The following PCDH18 variants were observed in gnomAD, a reference collection of about 807,000 sequenced individuals.
PCDH18 encodes protocadherin-18.
PCDH18 carries 38 observed loss-of-function variants against 71.5 expected under a neutral mutation model. The ratio of observed to expected loss-of-function variants is 0.53; its 90% CI spans 0.41 to 0.70. PCDH18 has a LOEUF of 0.70. PCDH18 is among the 30% of genes least tolerant of loss of function. The pLI is 0.00. For missense variants in PCDH18, 1,334 were observed against 1,384.6 expected, an observed-to-expected ratio of 0.96 and a Z score of 0.58; for synonymous variants, 565 against 505.4, an observed-to-expected ratio of 1.12 and a Z score of -1.58.
rs775345861 is a variant in PCDH18 at position 137,531,304 on chromosome 4, C to A, written c.785G>T (p.Gly262Val). 2 of 1,614,090 alleles carry A rather than the reference C, an allele frequency of 1.2e-6. No homozygotes were observed. The highest frequency in any genetic ancestry group is 2.2e-5 in the South Asian group (2 of 91,074). ...IIQLLENSPV[G>V]TLLLDLNATD... Reference sequence around the variant, plus strand: ...GGCATTCAGATCTAAGAGCAAAGTGCCAACCGGGGAGTTTTCTAAGAGTTG... The same window carrying A: ...GGCATTCAGATCTAAGAGCAAAGTGACAACCGGGGAGTTTTCTAAGAGTTG... Residue 262 changes from glycine (G) to valine (V), a missense_variant, in exon 1 of 4, where the codon GGC (glycine) becomes GTC (valine). Physicochemically the swap from Gly to Val is moderately radical, Grantham distance 109 (BLOSUM62 -3). This residue lies in a region of PCDH18 where 1,011 missense variants were observed against 1,048.0 expected (regional missense o/e 0.96). Coordinates refer to ENST00000344876, the MANE Select transcript of PCDH18 (RefSeq NM_019035.5).
chr4:137,530,172 A>T lies in PCDH18; in HGVS notation c.1917T>A (p.His639Gln). Residue 639 changes from histidine to glutamine, a missense_variant, in exon 1 of 4, where the codon CAT becomes CAA. Coordinates refer to ENST00000344876, the MANE Select transcript of PCDH18 (RefSeq NM_019035.5). The part of the protein sequence containing the change: ...FIIDPRSCDI[H>Q]TNVSMDSVPY... ...GAACAGAATCCATGCTAACGTTGGTATGGATGTCACATGATCGTGGATCAA... is the reference window on the plus strand; with the variant it reads ...GAACAGAATCCATGCTAACGTTGGTTTGGATGTCACATGATCGTGGATCAA... 1.2e-6 allele frequency: 2 copies of T among 1,613,506 alleles called. No individual in the cohort carries two copies. The highest frequency in any genetic ancestry group is 1.7e-6 in the Non-Finnish European group (2 of 1,179,696).
In PCDH18 at chr4:137,528,776, C is replaced by G; in HGVS notation, c.2532G>C (p.Gln844His). Residue 844 changes from glutamine (Q) to histidine (H), a missense_variant, in exon 2 of 4, where the codon CAG becomes CAC. This residue lies in a region of PCDH18 where 1,011 missense variants were observed against 1,048.0 expected (regional missense o/e 0.96). Transcript: ENST00000344876. ...LLSMLHQGQY[Q>H]PRPSFRGNKY... ...TGTTTCCTCGAAAACTTGGTCTTGGCTGATATTGCCCCTGGTGAAGCATTG... is the reference window on the plus strand; with the variant it reads ...TGTTTCCTCGAAAACTTGGTCTTGGGTGATATTGCCCCTGGTGAAGCATTG... 1.2e-6 allele frequency: 2 copies of G among 1,613,636 alleles called. No individual in the cohort carries two copies. Among genetic ancestry groups the G allele is most frequent in the Non-Finnish European group, 1.7e-6 (2 of 1,179,830 alleles).
chr4:137,521,910 C>CT (rs1376626396), intron 3 of PCDH18, among the ~76,000 whole-genome samples: 6 of 151,892 alleles, frequency 4.0e-5, no homozygotes, highest in Non-Finnish European at 5.9e-5. Flanking sequence ...TTCTGGTGTG[C>CT]TTTTTTTTCC....
rs760737539 is a variant in PCDH18, at chr4:137,521,411, C to G, written c.3026G>C (p.Ser1009Thr). Residue 1009 changes from serine (S) to threonine (T), a missense_variant, in exon 4 of 4, where the codon AGC (serine) becomes ACC (threonine). Physicochemically the swap from Ser to Thr is moderately conservative, Grantham distance 58 (BLOSUM62 1). Coordinates refer to ENST00000344876, the MANE Select transcript of PCDH18 (RefSeq NM_019035.5). ...CGGTAAGAGACGCTGGAACACACTG[C>G]TCATTTCCGAGAGCAGAGATGATGT... is the stretch of plus-strand genomic sequence containing the variant. ...TSTSSLLSEM[S>T]SVFQRLLPPS... The G allele has an allele frequency of 6.2e-7, 1 of 1,614,222 alleles. No individual in the cohort carries two copies. The highest frequency in any genetic ancestry group is 8.5e-7 in the Non-Finnish European group (1 of 1,180,044).
rs776487501 is a variant in PCDH18 at position 137,532,008 on chromosome 4, G to T, written c.81C>A (p.Gly27=). 8.1e-6 allele frequency: 13 copies of T among 1,613,638 alleles called. No homozygotes were observed. Among genetic ancestry groups the T allele is most frequent in the South Asian group, 6.6e-5 (6 of 91,064 alleles). ...LIVSFNHDVL[G]KNLKYRIYEE... ...CATAAATCCTGTATTTCAAATTCTTGCCCAGTACATCGTGGTTGAAAGATA... is the reference window on the plus strand; with the variant it reads ...CATAAATCCTGTATTTCAAATTCTTTCCCAGTACATCGTGGTTGAAAGATA... The change falls in exon 1 of 4, where the codon GGC becomes GGA. Residue 27 remains glycine, a synonymous_variant. Coordinates refer to ENST00000344876, the MANE Select transcript of PCDH18 (RefSeq NM_019035.5).
In PCDH18 at chr4:137,529,919, A is replaced by C; in HGVS notation, c.2170T>G (p.Cys724Gly). ...LVIMVLFATR[C>G]NREKKDTRSY... ...CTAGTGTCTTTCTTCTCGCGGTTAC[A>C]CCTAGTTGCAAATAGCACCATAATA... The change falls in exon 1 of 4, where the codon TGT becomes GGT. Residue 724 changes from cysteine to glycine, a missense_variant. Transcript: ENST00000344876. 6.2e-7 allele frequency: 1 copy of C among 1,613,900 alleles called. No individual in the cohort carries two copies. The highest frequency in any genetic ancestry group is 8.5e-7 in the Non-Finnish European group (1 of 1,179,926).
In PCDH18 at chr4:137,530,384, C is replaced by T. The variant is rs370785877; in HGVS notation, c.1705G>A (p.Glu569Lys). 129 of 1,613,956 alleles carry T rather than the reference C, an allele frequency of 8.0e-5. No individual in the cohort carries two copies. The highest frequency in any genetic ancestry group is 9.5e-5 in the Non-Finnish European group (112 of 1,180,002). The change falls in exon 1 of 4, where the codon GAA (glutamate) becomes AAA (lysine). Residue 569 changes from glutamate to lysine, a missense_variant. This residue lies in a region of PCDH18 where 1,011 missense variants were observed against 1,048.0 expected (regional missense o/e 0.96). Coordinates refer to ENST00000344876, the MANE Select transcript of PCDH18 (RefSeq NM_019035.5). ...NTTVVLTIID[E>K]NDNVPVVIGP... ...ATAACCACAGGAACGTTGTCATTTT[C>T]GTCAATGATGGTGAGCACAACTGTG...
In PCDH18 at chr4:137,530,301, A is replaced by G; in HGVS notation, c.1788T>C (p.Ser596=). 2 of 1,613,648 alleles carry G rather than the reference A, an allele frequency of 1.2e-6. No homozygotes were observed. The highest frequency in any genetic ancestry group is 8.5e-7 in the Non-Finnish European group (1 of 1,179,728). The change falls in exon 1 of 4, where the codon AGT becomes AGC. Residue 596 remains serine, a synonymous_variant. Coordinates refer to ENST00000344876, the MANE Select transcript of PCDH18 (RefSeq NM_019035.5). ...CCCTTATTCTTGTGACATGAAAGCC[A>G]CTTTCAGCCCCTTTGGGAATGGTGA... ...AEITIPKGAE[S]GFHVTRIRAI...
In PCDH18 at chr4:137,520,591, A is replaced by C. The variant is rs1731261013; in HGVS notation, c.*438T>G. On this transcript the variant is annotated 3_prime_UTR_variant, in exon 4 of 4. Transcript: ENST00000344876. ...TTAATTTCTAAAAAGTTATTGAAAA[A>C]AAGTGGGATCACTTAATGGAATTAA... The C allele has an allele frequency of 6.5e-6, 1 of 153,756 alleles. No homozygotes were observed. The allele number at this position is 153,756 out of a possible 1,614,324, so 9.5% of individuals were successfully genotyped here.
At chr4:137,524,204 G>A (rs79435962) in intron 3 of PCDH18, among the ~76,000 whole-genome samples, 7 of 152,266 alleles carry the variant, frequency 4.6e-5, no homozygotes, top group South Asian at 2.1e-4. Context: ...ATGGTGAAAG[G>A]AGAGTATCTT....
rs10006580 is a variant in PCDH18, at chr4:137,528,658, C to A, written c.2577-17G>T. On this transcript the variant is annotated splice_polypyrimidine_tract_variant and intron_variant, in intron 2 of 3. Coordinates refer to ENST00000344876, the MANE Select transcript of PCDH18 (RefSeq NM_019035.5). ...AGGGCATATCTGGAAAGATAAATCACAAAAAAAAATTACAGTTTTTACTCT... is the reference window on the plus strand; with the variant it reads ...AGGGCATATCTGGAAAGATAAATCAAAAAAAAAAATTACAGTTTTTACTCT... The A allele has an allele frequency of 7.8e-5, 125 of 1,605,336 alleles. No homozygotes were observed. The highest frequency in any genetic ancestry group is 5.0e-4 in the Middle Eastern group (3 of 6,050).
At chr4:137,527,144 C>A (rs1731490436) in intron 3 of PCDH18, among the ~76,000 whole-genome samples, 1 of 151,958 alleles carries the variant, frequency 6.6e-6, no homozygotes, top group South Asian at 2.1e-4. Context: ...TGGCTACTGC[C>A]ATCACTACTT....
rs1399979783 is a variant in PCDH18, at chr4:137,530,762, G to C, written c.1327C>G (p.Pro443Ala). ...LTVIAEDRGTPSLSTVKHFTV... is the reference protein window; with the variant it reads ...LTVIAEDRGTASLSTVKHFTV... The stretch of plus-strand genomic sequence containing the variant: ...AAATGTTTCACTGTAGAGAGACTGG[G>C]TGTCCCCCTGTCCTCAGCGATTACA... Residue 443 changes from proline (P) to alanine (A), a missense_variant, in exon 1 of 4, where the codon CCC becomes GCC. Pro to Ala is a conservative substitution (Grantham distance 27). Around this residue, in one of 3 missense-constraint regions of PCDH18, gnomAD observed 1,011 missense variants for 1,048.0 expected, o/e 0.96. Coordinates refer to ENST00000344876, the MANE Select transcript of PCDH18 (RefSeq NM_019035.5). 6.2e-7 allele frequency: 1 copy of C among 1,612,578 alleles called. No individual in the cohort carries two copies. Among genetic ancestry groups the C allele is most frequent in the Non-Finnish European group, 8.5e-7 (1 of 1,178,860 alleles).
chr4:137,530,815 C>G lies in PCDH18; in HGVS notation c.1274G>C (p.Arg425Thr), dbSNP rs763555756. Residue 425 changes from arginine (R) to threonine (T), a missense_variant, in exon 1 of 4, where the codon AGA becomes ACA. Transcript: ENST00000344876. ...YLILTNATLD[R>T]EKRSEYSLTV... ...CAAACTATACTCAGATCTCTTTTCT[C>G]TATCCAGTGTGGCATTAGTTAAGAT... 2.5e-6 allele frequency: 4 copies of G among 1,611,674 alleles called. No individual in the cohort carries two copies. The Admixed American group carries it at 5.0e-5, about 20-fold the overall frequency.
At chr4:137,529,304 C>T in intron 1 of PCDH18, 1 of 297,896 alleles carries the variant, frequency 3.4e-6, no homozygotes. Context: ...TACTTTTTGG[C>T]TTCCCATTAT....
rs1731740827 is a variant in PCDH18 at position 137,532,271 on chromosome 4, G to T, written c.-183C>A. 4.3e-6 allele frequency: 3 copies of T among 705,788 alleles called. No homozygotes were observed. In the East Asian group the frequency reaches 8.0e-5, roughly 19 times the overall value. The allele number at this position is 705,788 out of a possible 1,614,324, so 43.7% of individuals were successfully genotyped here. ...TATACACACCGTGTCACGACTTCCA[G>T]ATACCTTCGGCATGGAGTCCAGTCC... On this transcript the variant is annotated 5_prime_UTR_variant, in exon 1 of 4. In the 5' UTR this introduces an upstream ATG that the reference lacks. Coordinates refer to ENST00000344876, the MANE Select transcript of PCDH18 (RefSeq NM_019035.5).
Position 137,531,173 on chromosome 4 carries a change from A to T in PCDH18, c.916T>A (p.Leu306Met), listed in dbSNP as rs1458381763. ...TAATCCACTTGCTTGAAAAGAGTCAAATGTCCTCTTTCAGAATCAATTTTA... is the reference window on the plus strand; with the variant it reads ...TAATCCACTTGCTTGAAAAGAGTCATATGTCCTCTTTCAGAATCAATTTTA... ...TFKIDSERGH[L>M]TLFKQVDYEI... Residue 306 changes from leucine (L) to methionine (M), a missense_variant, in exon 1 of 4, where the codon TTG becomes ATG. Leu to Met is a conservative substitution (Grantham distance 15). Coordinates refer to ENST00000344876, the MANE Select transcript of PCDH18 (RefSeq NM_019035.5). The T allele has an allele frequency of 6.2e-7, 1 of 1,613,254 alleles. No homozygotes were observed. The highest frequency in any genetic ancestry group is 1.3e-5 in the African/African-American group (1 of 74,988).
In PCDH18 at chr4:137,520,543, T is replaced by C. The variant is rs1731259496; in HGVS notation, c.*486A>G. 6.5e-6 allele frequency: 1 copy of C among 152,780 alleles called. No individual in the cohort carries two copies. The highest frequency in any genetic ancestry group is 1.5e-5 in the Non-Finnish European group (1 of 68,168). The allele number at this position is 152,780 out of a possible 1,614,324, so 9.5% of individuals were successfully genotyped here. A position where few individuals can be genotyped will look rare whatever the true frequency, so the allele number is the denominator to read the frequency against. On this transcript the variant is annotated 3_prime_UTR_variant, in exon 4 of 4. Transcript: ENST00000344876. ...GAAAGTAGAGAAAATAACAATAAAA[T>C]AGCTTAACAATTTTAATGATTCTTA...
rs879680867 is a variant in PCDH18 at position 137,520,952 on chromosome 4, T to C, written c.*77A>G. 1.9e-6 allele frequency: 2 copies of C among 1,054,152 alleles called. No homozygotes were observed. The highest frequency in any genetic ancestry group is 3.2e-5 in the South Asian group (2 of 62,324). 65.3% of individuals were successfully genotyped at this position (1,054,152 alleles called of 1,614,324 possible). A position where few individuals can be genotyped will look rare whatever the true frequency, so the allele number is the denominator to read the frequency against. The stretch of plus-strand genomic sequence containing the variant: ...AATGCAACTATTTGGCAATGCCAGT[T>C]CTTTCAGGGTTTTTTGTTGTTGTTG... On this transcript the variant is annotated 3_prime_UTR_variant, in exon 4 of 4. Coordinates refer to ENST00000344876, the MANE Select transcript of PCDH18 (RefSeq NM_019035.5).
Sources: gnomAD v4.1 joint callset for allele counts (sites outside exome capture counted in the v4.1 genomes callset) on GRCh38, gnomAD v4.1.1 for gene constraint, gnomAD v4.1.1 regional missense constraint, MANE v1.5 for transcripts, NCBI Gene and HGNC (gene_info 2026-07-23, HGNC 2026-07-21) for gene names.